Variants in SETD1A observed in about 807,000 individuals in gnomAD.
SETD1A encodes histone-lysine N-methyltransferase SETD1A.
A neutral mutation model predicts 149.9 loss-of-function variants in SETD1A; 29 were observed. The observed-to-expected ratio is 0.19, with a 90% CI of 0.14 to 0.26. The LOEUF (loss-of-function observed/expected upper bound fraction) is 0.26, where lower values mean the gene tolerates loss of function less well. Among genes scored for constraint, SETD1A ranks in the 10% least tolerant of loss-of-function variants. The pLI is 1.00. For synonymous variants in SETD1A, 1,141 were observed against 968.5 expected (o/e 1.18, Z -3.31); for missense variants, 2,109 against 2,353.1 (o/e 0.90, Z 2.15).
At position 30,961,169 on chromosome 16, in the gene SETD1A, C is replaced by A. The variant is rs1306127890; in HGVS notation, c.247-98C>A. On this transcript the variant is annotated intron_variant, in intron 3 of 18. Coordinates refer to ENST00000262519, the MANE Select transcript of SETD1A (RefSeq NM_014712.3). The surrounding 1 kb of genome is among the most constrained non-coding windows in gnomAD (Gnocchi z 4.0). The stretch of plus-strand genomic sequence containing the variant: ...TCCCTTGCCCCTCACTTTCCCGGAT[C>A]TCTCTCTTGACTTCATGGAGCTTGC... 5.5e-6 allele frequency: 7 copies of A among 1,274,262 alleles called. No individual in the cohort carries two copies. Among genetic ancestry groups the A allele is most frequent in the Non-Finnish European group, 7.8e-6 (7 of 894,210 alleles). 78.9% of individuals were successfully genotyped at this position (1,274,262 alleles called of 1,614,324 possible).
chr16:30,983,638 G>T lies in SETD1A; in HGVS notation c.4816G>T (p.Val1606Leu). 6.2e-7 allele frequency: 1 copy of T among 1,612,364 alleles called. No individual in the cohort carries two copies. The highest frequency in any genetic ancestry group is 8.5e-7 in the Non-Finnish European group (1 of 1,179,638). ...EYVGQNIRQMVADMREKRYVQ... is the reference protein window; with the variant it reads ...EYVGQNIRQMLADMREKRYVQ... ...CCATCGCATCTCACCCTGGCAGATG[G>T]TGGCCGACATGCGGGAGAAGCGCTA... The change falls in exon 18 of 19, where the codon GTG (valine) becomes TTG (leucine). Residue 1606 changes from valine to leucine, a missense_variant. Val to Leu is a conservative substitution (Grantham distance 32). Coordinates refer to ENST00000262519, the MANE Select transcript of SETD1A (RefSeq NM_014712.3). The surrounding 1 kb of genome is among the most constrained non-coding windows in gnomAD (Gnocchi z 6.8).
chr16:30,958,307 T>C (rs1410567394), intron 1 of SETD1A: 1 of 159,100 alleles, frequency 6.3e-6, no homozygotes, highest in African/African-American at 2.4e-5. Context: ...GTGCCACCTT[T>C]CGGCCGGAGG....
chr16:30,958,425 G>A (rs1343896569), intron 1 of SETD1A: 8 of 291,820 alleles, frequency 2.7e-5, no homozygotes, highest in East Asian at 6.9e-5. Context: ...GGGGGCGGGG[G>A]AGGGGTCTTG....
Position 30,959,040 on chromosome 16 carries a change from C to T in SETD1A, c.151-51C>T, listed in dbSNP as rs780968739. On this transcript the variant is annotated intron_variant, in intron 2 of 18. Transcript: ENST00000262519. ...GTCCAGATGGGCTGCTTGGAGCTCC[C>T]TAGCCTGGATTCACCCTGAGCTCTC... 1.1e-5 allele frequency: 16 copies of T among 1,500,584 alleles called. No individual in the cohort carries two copies. In the South Asian group the frequency reaches 1.7e-4, roughly 16 times the overall value. The allele number at this position is 1,500,584 out of a possible 1,614,324, so 93.0% of individuals were successfully genotyped here.
At chr16:30,965,497 T>G in intron 7 of SETD1A, 36 bp downstream of exon 7, 1 of 1,582,406 alleles carries the variant, frequency 6.3e-7, no homozygotes. Flanking sequence ...GCACCTGGGC[T>G]CTGGGAGTCA....
intron 13 of SETD1A, among the ~76,000 whole-genome samples, chr16:30,972,050 A>C (rs1262471813): frequency 6.6e-6 from 1 of 152,226 alleles, no homozygotes; most frequent in Non-Finnish European, 1.5e-5. Flanking sequence ...GTGAGTAGTG[A>C]ACAAGTGCAG....
At position 30,983,527 on chromosome 16, in the gene SETD1A, C is replaced by T. The variant is rs533147805; in HGVS notation, c.4813-108C>T. 3 of 1,322,658 alleles carry T rather than the reference C, an allele frequency of 2.3e-6. No homozygotes were observed. The East Asian group carries it at 7.2e-5, about 32-fold the overall frequency. 81.9% of individuals were successfully genotyped at this position (1,322,658 alleles called of 1,614,324 possible). A position where few individuals can be genotyped will look rare whatever the true frequency, so the allele number is the denominator to read the frequency against. The stretch of plus-strand genomic sequence containing the variant: ...GGGTTAGCGGGAGCTGGAGGCAGAG[C>T]TGCAGCTCCAGGCCTGGTGGGCGTG... On this transcript the variant is annotated intron_variant, in intron 17 of 18. Coordinates refer to ENST00000262519, the MANE Select transcript of SETD1A (RefSeq NM_014712.3). This position sits in a 1 kb window ranked among gnomAD's most constrained non-coding sequence, Gnocchi z 6.8.
Position 30,964,894 on chromosome 16 carries a change from A to G in SETD1A, c.1152A>G (p.Pro384=), listed in dbSNP as rs1291041176. The change falls in exon 7 of 19, where the codon CCA becomes CCG. Residue 384 remains proline (P), a synonymous_variant. Coordinates refer to ENST00000262519, the MANE Select transcript of SETD1A (RefSeq NM_014712.3). ...NRYQRHTSYP[P]RRATREEPPG... ...ACCAGCGCCATACTTCCTACCCACC[A>G]CGCCGGGCCACACGGGAGGAACCCC... is the stretch of plus-strand genomic sequence containing the variant. 3 of 1,613,818 alleles carry G rather than the reference A, an allele frequency of 1.9e-6. No individual in the cohort carries two copies. Among genetic ancestry groups the G allele is most frequent in the Non-Finnish European group, 2.5e-6 (3 of 1,179,994 alleles).
intron 13 of SETD1A, among the ~76,000 whole-genome samples, chr16:30,975,135 A>G (rs1250214201): frequency 6.6e-6 from 1 of 151,046 alleles, no homozygotes; most frequent in Non-Finnish European, 1.5e-5. Context: ...TGACAGAGCG[A>G]GACTGTCTCC....
Position 30,957,896 on chromosome 16 carries a change from G to T in SETD1A, c.-84G>T, listed in dbSNP as rs1264654573. 6.6e-6 allele frequency: 1 copy of T among 152,390 alleles called. No individual in the cohort carries two copies. Among genetic ancestry groups the T allele is most frequent in the Admixed American group, 6.5e-5 (1 of 15,290 alleles). The allele number at this position is 152,390 out of a possible 1,614,324, so 9.4% of individuals were successfully genotyped here. A position where few individuals can be genotyped will look rare whatever the true frequency, so the allele number is the denominator to read the frequency against. On this transcript the variant is annotated 5_prime_UTR_variant, in exon 1 of 19. Transcript: ENST00000262519. ...AGGCGAAGCCGCTACCCTCGGCCCC[G>T]TGGGTCCCCCGGCAGCGCCTGTGGC...
At position 30,967,560 on chromosome 16, in the gene SETD1A, C is replaced by G; in HGVS notation, c.2742C>G (p.Pro914=). The G allele has an allele frequency of 6.2e-7, 1 of 1,613,984 alleles. No individual in the cohort carries two copies. The highest frequency in any genetic ancestry group is 8.5e-7 in the Non-Finnish European group (1 of 1,179,946). ...CCAGTGAGGAAAAGAGGCCTCGTCC[C>G]TCCACTCCTGCTGAGGAAGATGAAG... The part of the protein sequence containing the change: ...SEASEEKRPR[P]STPAEEDEDD... Residue 914 remains proline (P), a synonymous_variant, in exon 10 of 19, where the codon CCC becomes CCG. Coordinates refer to ENST00000262519, the MANE Select transcript of SETD1A (RefSeq NM_014712.3).
chr16:30,961,554 C>T lies in SETD1A; in HGVS notation c.517+17C>T, dbSNP rs761904491. On this transcript the variant is annotated intron_variant, in intron 4 of 18. Transcript: ENST00000262519. This position sits in a 1 kb window ranked among gnomAD's most constrained non-coding sequence, Gnocchi z 4.0. ...ACATCAAAGGTGAGGACTCCTCTGC[C>T]TGCCACTCAGGCTTGGCCTCCAGCG... 6.2e-7 allele frequency: 1 copy of T among 1,611,496 alleles called. No individual in the cohort carries two copies. Among genetic ancestry groups the T allele is most frequent in the South Asian group, 1.1e-5 (1 of 90,852 alleles).
At chr16:30,978,068 G>A (rs1567361596) in intron 13 of SETD1A, among the ~76,000 whole-genome samples, 1 of 152,132 alleles carries the variant, frequency 6.6e-6, no homozygotes, top group Non-Finnish European at 1.5e-5. Flanking sequence ...GAGGTCAAGA[G>A]ATCGAGACCA....
At chr16:30,966,661 C>G (rs2056151766) in intron 8 of SETD1A, among the ~76,000 whole-genome samples, 1 of 152,198 alleles carries the variant, frequency 6.6e-6, no homozygotes, top group Non-Finnish European at 1.5e-5. Context: ...TTTGGTCTTC[C>G]ATTTTGCCAC....
chr16:30,958,453 G>GCCCC, intron 1 of SETD1A: 2 of 415,552 alleles, frequency 4.8e-6, no homozygotes, highest in Non-Finnish European at 8.8e-6. Flanking sequence ...GCCAAGTGGG[G>GCCCC]CGCGCGCTAG....
Position 30,967,532 on chromosome 16 carries a change from A to G in SETD1A, c.2714A>G (p.Glu905Gly), listed in dbSNP as rs2056164846. 1 of 1,613,788 alleles carries G rather than the reference A, an allele frequency of 6.2e-7. No individual in the cohort carries two copies. Among genetic ancestry groups the G allele is most frequent in the African/African-American group, 1.3e-5 (1 of 74,890 alleles). Residue 905 changes from glutamate (E) to glycine (G), a missense_variant, in exon 10 of 19, where the codon GAG (glutamate) becomes GGG (glycine). Physicochemically the swap from Glu to Gly is moderately conservative, Grantham distance 98. Coordinates refer to ENST00000262519, the MANE Select transcript of SETD1A (RefSeq NM_014712.3). Reference sequence around the variant, plus strand: ...CGGAAAGAGCCATCGGAAATTTCCGAGGCCAGTGAGGAAAAGAGGCCTCGT... The same window carrying G: ...CGGAAAGAGCCATCGGAAATTTCCGGGGCCAGTGAGGAAAAGAGGCCTCGT... ...VKRKEPSEIS[E>G]ASEEKRPRPS... is the part of the protein sequence containing the mutation.
chr16:30,964,743 C>A lies in SETD1A; in HGVS notation c.1001C>A (p.Thr334Asn), dbSNP rs747070455. 1 of 1,614,138 alleles carries A rather than the reference C, an allele frequency of 6.2e-7. No homozygotes were observed. The highest frequency in any genetic ancestry group is 1.3e-5 in the African/African-American group (1 of 74,954). ...STAIAATTAA[T>N]ASSSASSSSL... ...GCCATCGCCGCCACCACTGCAGCCA[C>A]TGCCTCATCCTCCGCCTCTTCCTCC... is the stretch of plus-strand genomic sequence containing the variant. Residue 334 changes from threonine (T) to asparagine (N), a missense_variant, in exon 7 of 19, where the codon ACT becomes AAT. Physicochemically the swap from Thr to Asn is moderately conservative, Grantham distance 65 (BLOSUM62 0). Coordinates refer to ENST00000262519, the MANE Select transcript of SETD1A (RefSeq NM_014712.3).
At position 30,980,765 on chromosome 16, in the gene SETD1A, CCGGTCCGAGCAG is replaced by C; in HGVS notation, c.4612_4623del (p.Ser1538_Arg1541del). 2 of 1,613,028 alleles carry C rather than the reference CCGGTCCGAGCAG, an allele frequency of 1.2e-6. No homozygotes were observed. Among genetic ancestry groups the C allele is most frequent in the Non-Finnish European group, 1.7e-6 (2 of 1,179,846 alleles). ...GGACGAACCGCGTGCTGTCCGAGCG[CCGGTCCGAGCAG>C]CGGCGGCTGCTGAGCGCCATCGGTA... On this transcript the variant is annotated inframe_deletion, in exon 16 of 19. Transcript: ENST00000262519. This position sits in a 1 kb window ranked among gnomAD's most constrained non-coding sequence, Gnocchi z 7.7.
chr16:30,975,351 C>A (rs1270636869), intron 13 of SETD1A, among the ~76,000 whole-genome samples: 1 of 151,496 alleles, frequency 6.6e-6, no homozygotes, highest in African/African-American at 2.4e-5. Flanking sequence ...TCCCATGTGT[C>A]AAGTACCTAT....
Sources: allele counts gnomAD v4.1 joint callset (sites outside exome capture counted in the v4.1 genomes callset), GRCh38; gene constraint gnomAD v4.1.1; non-coding constraint Gnocchi (gnomAD v3.1); transcripts MANE v1.5; gene names NCBI Gene and HGNC (gene_info 2026-07-23, HGNC 2026-07-21).